CCDC170: variants seen among roughly 807,000 people sequenced by gnomAD.
CCDC170 encodes coiled-coil domain containing 170.
In CCDC170, 69 loss-of-function variants were observed where a neutral mutation model predicts 72.6. The ratio of observed to expected loss-of-function variants is 0.95; its 90% CI spans 0.78 to 1.16. CCDC170 has a LOEUF of 1.16. Among genes scored for constraint, CCDC170 ranks in the 50% most tolerant of loss-of-function variants. CCDC170 has a pLI of 0.00. For missense variants in CCDC170, 852 were observed against 832.5 expected, an observed-to-expected ratio of 1.02 and a Z score of -0.29; for synonymous variants, 300 against 303.9, an observed-to-expected ratio of 0.99 and a Z score of 0.13.
At chr6:151,509,166 CTT>C (rs1260872764) in intron 1 of CCDC170, among the ~76,000 whole-genome samples, 7 of 152,046 alleles carry the variant, frequency 4.6e-5, no homozygotes, top group African/African-American at 1.4e-4. Context: ...GGAAAGATCT[CTT>C]TCTCTCTCTC....
chr6:151,600,033 C>T (rs1242061556), intron 9 of CCDC170, among the ~76,000 whole-genome samples: 3 of 152,118 alleles, frequency 2.0e-5, no homozygotes, highest in Admixed American at 6.6e-5. Context: ...AAGAATTACT[C>T]GGGCCCCTAC....
intron 5 of CCDC170, among the ~76,000 whole-genome samples, chr6:151,560,335 A>C (rs538441003): frequency 6.6e-6 from 1 of 152,060 alleles, no homozygotes; most frequent in Non-Finnish European, 1.5e-5. Context: ...GCTTGATATG[A>C]TTTAGTTTCT....
At chr6:151,535,754 T>C (rs1782565301) in intron 1 of CCDC170, among the ~76,000 whole-genome samples, 1 of 152,106 alleles carries the variant, frequency 6.6e-6, no homozygotes, top group African/African-American at 2.4e-5. Flanking sequence ...TTTGTTTTTT[T>C]GTTTTTAGAG....
chr6:151,514,353 G>GAGGGAGGGAAGGGAAGA (rs1554219944), intron 1 of CCDC170, among the ~76,000 whole-genome samples: 5,122 of 101,048 alleles, frequency 0.051, 291 homozygotes, highest in Middle Eastern at 0.079. Flanking sequence ...GGGAGGGAGG[G>GAGGGAGGGAAGGGAAGA]AGGGAGGGAG....
At chr6:151,574,389 A>G (rs1776272227) in intron 6 of CCDC170, among the ~76,000 whole-genome samples, 1 of 152,074 alleles carries the variant, frequency 6.6e-6, no homozygotes, top group Admixed American at 6.5e-5. Context: ...TAGGTTCTTG[A>G]GTTTACGGCC....
rs961024547 is a variant in CCDC170, at chr6:151,506,530, T to C, written c.57+12345T>C. On this transcript the variant is annotated intron_variant, in intron 1 of 10. Coordinates refer to ENST00000239374, the MANE Select transcript of CCDC170 (RefSeq NM_025059.4). The stretch of plus-strand genomic sequence containing the variant: ...ATAGATTTATTCAAGATGCAGGCGA[T>C]AGAGTTTCATTTCACATCATTTTGA... Among the ~76,000 whole-genome samples the C allele has an allele frequency of 3.3e-5, 5 of 152,334 alleles. No homozygotes were observed. In the South Asian group the frequency reaches 6.2e-4, roughly 19 times the overall value.
chr6:151,552,477 C>A (rs1298460213), intron 5 of CCDC170, among the ~76,000 whole-genome samples: 1 of 152,140 alleles, frequency 6.6e-6, no homozygotes, highest in Non-Finnish European at 1.5e-5. Flanking sequence ...CGTCATTCCT[C>A]CCATCTATTA....
At chr6:151,597,311 A>G (rs2115120854) in intron 9 of CCDC170, among the ~76,000 whole-genome samples, 1 of 151,336 alleles carries the variant, frequency 6.6e-6, no homozygotes, top group Non-Finnish European at 1.5e-5. Flanking sequence ...TATTTTTAGT[A>G]GAGACAGGGT....
At chr6:151,529,589 G>A (rs1331759075) in intron 1 of CCDC170, among the ~76,000 whole-genome samples, 6 of 152,056 alleles carry the variant, frequency 3.9e-5, no homozygotes, top group South Asian at 2.1e-4. Flanking sequence ...CCCGGGAGGC[G>A]GAGGTTGCAG....
chr6:151,544,110 AAC>A (rs1782735913), intron 3 of CCDC170, among the ~76,000 whole-genome samples: 1 of 152,188 alleles, frequency 6.6e-6, no homozygotes, highest in Non-Finnish European at 1.5e-5. Context: ...CCTGGCCATG[AAC>A]CAGGACCCTT....
intron 5 of CCDC170, among the ~76,000 whole-genome samples, chr6:151,568,101 C>T (rs1245467849): frequency 1.2e-5 from 1 of 84,346 alleles, no homozygotes; most frequent in Admixed American, 1.9e-4. Context: ...CAGAGTGAGA[C>T]TCTGAAAAAA....
rs201106902 is a variant in CCDC170, at chr6:151,593,191, G to A, written c.1378G>A (p.Val460Met). Residue 460 changes from valine (V) to methionine (M), a missense_variant, in exon 8 of 11, where the codon GTG (valine) becomes ATG (methionine). Val to Met is a conservative substitution (Grantham distance 21, BLOSUM62 1). Coordinates refer to ENST00000239374, the MANE Select transcript of CCDC170 (RefSeq NM_025059.4). ...ACTTGGCTTTGACATGCGGCTGGAC[G>A]TGGTTTTAGCTCGAACAGAGCAGCT... ...AELGFDMRLDVVLARTEQLVR... is the reference protein window; with the variant it reads ...AELGFDMRLDMVLARTEQLVR... 4.8e-4 allele frequency: 776 copies of A among 1,614,178 alleles called. 6 individuals carry two copies. The South Asian group carries it at 6.6e-3, about 14-fold the overall frequency.
intron 9 of CCDC170, among the ~76,000 whole-genome samples, chr6:151,604,981 C>T (rs539669894): frequency 6.6e-5 from 10 of 152,218 alleles, no homozygotes; most frequent in South Asian, 6.2e-4. Flanking sequence ...TGCTTTAGAA[C>T]GCTAAAACTT....
At chr6:151,547,898 G>A (rs1782802566) in intron 4 of CCDC170, among the ~76,000 whole-genome samples, 1 of 152,168 alleles carries the variant, frequency 6.6e-6, no homozygotes, top group Non-Finnish European at 1.5e-5. Flanking sequence ...AAAAAGCATG[G>A]CCGTGTGTTC....
intron 1 of CCDC170, among the ~76,000 whole-genome samples, chr6:151,503,440 GTTTATTTTTATT>G (rs777835058): frequency 5.9e-5 from 9 of 151,824 alleles, no homozygotes; most frequent in African/African-American, 1.9e-4. Flanking sequence ...AGCTTGATGT[GTTTATTTTTATT>G]TTTATTTTTA....
chr6:151,592,886 G>A (rs1776563651), intron 7 of CCDC170: 1 of 578,994 alleles, frequency 1.7e-6, no homozygotes, highest in Non-Finnish European at 3.1e-6. Flanking sequence ...TGAACATCAA[G>A]GGCTAGGAGA....
chr6:151,600,632 A>G lies in CCDC170; in HGVS notation c.1710+4055A>G, dbSNP rs190425749. ...TGGACACAGCTTTTGGGAAGGCACT[A>G]CTCAAACCACTACACTTATTAAATT... On this transcript the variant is annotated intron_variant, in intron 9 of 10. Coordinates refer to ENST00000239374, the MANE Select transcript of CCDC170 (RefSeq NM_025059.4). Among the ~76,000 whole-genome samples, 202 of 152,180 alleles carry G rather than the reference A, an allele frequency of 1.3e-3. 2 individuals carry two copies. The highest frequency in any genetic ancestry group is 4.7e-3 in the African/African-American group (194 of 41,532).
intron 8 of CCDC170, among the ~76,000 whole-genome samples, 197 bp downstream of exon 8, chr6:151,593,477 T>C (rs890964987): frequency 6.6e-6 from 1 of 152,238 alleles, no homozygotes; most frequent in Non-Finnish European, 1.5e-5. Context: ...TGTGTTTCAC[T>C]GTGTGTAATG....
chr6:151,585,521 T>C (rs746895226), intron 6 of CCDC170, among the ~76,000 whole-genome samples: 24 of 152,234 alleles, frequency 1.6e-4, no homozygotes, highest in Admixed American at 5.9e-4. Context: ...AGAATTTTTC[T>C]GGGGAATGAC....
Sources: gnomAD v4.1 joint callset for allele counts (sites outside exome capture counted in the v4.1 genomes callset) on GRCh38, gnomAD v4.1.1 for gene constraint, MANE v1.5 for transcripts, NCBI Gene and HGNC (gene_info 2026-07-23, HGNC 2026-07-21) for gene names.